Variants in EFNA5 observed in about 807,000 individuals in gnomAD.
EFNA5 encodes ephrin-A5.
EFNA5 carries 5 observed loss-of-function variants against 22.9 expected under a neutral mutation model. The ratio of observed to expected loss-of-function variants is 0.22; its 90% CI spans 0.11 to 0.46. The LOEUF is 0.46. Ranked by LOEUF, EFNA5 falls within the 20% of genes least tolerant of loss-of-function variation. EFNA5 has a pLI of 0.99. For synonymous variants in EFNA5, 113 were observed against 112.2 expected, an observed-to-expected ratio of 1.01 and a Z score of -0.04; for missense variants, 237 against 293.3, an observed-to-expected ratio of 0.81 and a Z score of 1.40.
intron 1 of EFNA5, among the ~76,000 whole-genome samples, chr5:107,642,343 C>A (rs1465257396): frequency 1.4e-5 from 2 of 146,950 alleles, no homozygotes; most frequent in Non-Finnish European, 3.0e-5. Flanking sequence ...GTTCTCACCA[C>A]AAAAAATAAG....
intron 1 of EFNA5, among the ~76,000 whole-genome samples, chr5:107,494,363 G>A (rs1032021706): frequency 6.6e-6 from 1 of 152,190 alleles, no homozygotes; most frequent in East Asian, 1.9e-4. Flanking sequence ...CCTGCCGCCC[G>A]GGCAGTGAGG....
intron 1 of EFNA5, among the ~76,000 whole-genome samples, chr5:107,470,891 C>A (rs747561259): frequency 6.6e-6 from 1 of 152,046 alleles, no homozygotes; most frequent in African/African-American, 2.4e-5. Context: ...TAAAAATACA[C>A]GAAATCAGGA....
chr5:107,578,619 T>C (rs1286484377), intron 1 of EFNA5, among the ~76,000 whole-genome samples: 1 of 152,184 alleles, frequency 6.6e-6, no homozygotes, highest in Non-Finnish European at 1.5e-5. Flanking sequence ...CTCAGACTTA[T>C]CAGGCAAGAG....
intron 1 of EFNA5, among the ~76,000 whole-genome samples, chr5:107,537,938 T>C (rs576957344): frequency 1.3e-5 from 2 of 152,178 alleles, no homozygotes; most frequent in Admixed American, 6.5e-5. Flanking sequence ...TATTGGCAAA[T>C]ATTAAATGAT....
chr5:107,602,510 T>G (rs891754271), intron 1 of EFNA5, among the ~76,000 whole-genome samples: 2 of 152,092 alleles, frequency 1.3e-5, no homozygotes, highest in African/African-American at 4.8e-5. Context: ...ACCCAGAACA[T>G]CAGGAACAAA....
intron 1 of EFNA5, among the ~76,000 whole-genome samples, chr5:107,554,766 A>G (rs997684034): frequency 1.4e-4 from 21 of 152,192 alleles, no homozygotes; most frequent in Non-Finnish European, 2.1e-4. Flanking sequence ...ACTATTTTCT[A>G]TACTTTGCAG....
intron 1 of EFNA5, among the ~76,000 whole-genome samples, chr5:107,469,654 C>T (rs1025055908): frequency 6.6e-6 from 1 of 151,850 alleles, no homozygotes; most frequent in Admixed American, 6.6e-5. Flanking sequence ...TACTGCCCCC[C>T]CTTTATTTTT....
At position 107,381,180 on chromosome 5, in the gene EFNA5, G is replaced by A. The variant is rs989576093; in HGVS notation, c.*75C>T. 6.6e-7 allele frequency: 1 copy of A among 1,523,962 alleles called. No homozygotes were observed. The highest frequency in any genetic ancestry group is 8.9e-7 in the Non-Finnish European group (1 of 1,122,110). 94.4% of individuals were successfully genotyped at this position (1,523,962 alleles called of 1,614,324 possible). On this transcript the variant is annotated 3_prime_UTR_variant, in exon 5 of 5. Transcript: ENST00000333274. ...AACCCAATAACAAGTCCCTTCTTAG[G>A]ATGAGCAGTTAGGTGGATCTCTGGT...
At chr5:107,522,214 G>A (rs1225440863) in intron 1 of EFNA5, among the ~76,000 whole-genome samples, 2 of 152,102 alleles carry the variant, frequency 1.3e-5, no homozygotes, top group Admixed American at 6.6e-5. Context: ...ATTATTGGGG[G>A]ATAATAATGC....
chr5:107,571,917 G>A (rs1748816339), intron 1 of EFNA5, among the ~76,000 whole-genome samples: 2 of 152,116 alleles, frequency 1.3e-5, no homozygotes, highest in South Asian at 2.1e-4. Context: ...GATACAGGGA[G>A]AGGGAAAGAA....
At chr5:107,539,774 TA>T (rs1748007733) in intron 1 of EFNA5, among the ~76,000 whole-genome samples, 1 of 152,124 alleles carries the variant, frequency 6.6e-6, no homozygotes, top group Non-Finnish European at 1.5e-5. Context: ...AGAAAACTCT[TA>T]AATGGATACA....
intron 1 of EFNA5, among the ~76,000 whole-genome samples, chr5:107,525,783 G>A (rs1008768043): frequency 6.6e-6 from 1 of 152,056 alleles, no homozygotes; most frequent in African/African-American, 2.4e-5. Flanking sequence ...GGAAGAGGCT[G>A]AAGGGGAGGC....
chr5:107,394,632 C>T (rs1281042104), intron 2 of EFNA5, among the ~76,000 whole-genome samples: 1 of 152,154 alleles, frequency 6.6e-6, no homozygotes, highest in Non-Finnish European at 1.5e-5. Flanking sequence ...ACCCATCCTA[C>T]CCACTGTTTG....
intron 1 of EFNA5, among the ~76,000 whole-genome samples, chr5:107,489,157 C>T (rs779851775): frequency 6.6e-6 from 1 of 152,056 alleles, no homozygotes; most frequent in Non-Finnish European, 1.5e-5. Context: ...ATTGCAAACT[C>T]ATGTATTGGA....
At chr5:107,633,055 C>T (rs1750292144) in intron 1 of EFNA5, among the ~76,000 whole-genome samples, 1 of 151,994 alleles carries the variant, frequency 6.6e-6, no homozygotes, top group Admixed American at 6.5e-5. Context: ...AAATGACACA[C>T]AGAGATATAA....
chr5:107,526,801 C>T (rs62355610), intron 1 of EFNA5, among the ~76,000 whole-genome samples: 8,669 of 152,122 alleles, frequency 0.057, 294 homozygotes, highest in Middle Eastern at 0.071. Flanking sequence ...AATGTAAGTG[C>T]AATGGGAAAT....
At chr5:107,417,247 T>C (rs1347674901) in intron 2 of EFNA5, among the ~76,000 whole-genome samples, 1 of 152,176 alleles carries the variant, frequency 6.6e-6, no homozygotes, top group African/African-American at 2.4e-5. Context: ...AATGAAAAGA[T>C]ATTATCATTC....
chr5:107,468,952 G>C (rs1750064834), intron 1 of EFNA5, among the ~76,000 whole-genome samples: 1 of 152,130 alleles, frequency 6.6e-6, no homozygotes, highest in African/African-American at 2.4e-5. Context: ...AATTACTTAT[G>C]GGTGATGGAG....
chr5:107,435,561 C>A (rs528296526), intron 1 of EFNA5, among the ~76,000 whole-genome samples: 1 of 152,184 alleles, frequency 6.6e-6, no homozygotes, highest in Non-Finnish European at 1.5e-5. Context: ...ACTGTTACCC[C>A]ACCAGGTGTG....
Sources: allele counts gnomAD v4.1 joint callset (sites outside exome capture counted in the v4.1 genomes callset), GRCh38; gene constraint gnomAD v4.1.1; transcripts MANE v1.5; gene names NCBI Gene and HGNC (gene_info 2026-07-23, HGNC 2026-07-21).